OCA2: variants seen among roughly 807,000 people sequenced by gnomAD.
OCA2 encodes OCA2 melanosomal transmembrane protein, also known as P protein.
OCA2 carries 77 observed loss-of-function variants against 100.2 expected under a neutral mutation model. The observed-to-expected ratio is 0.77, with a 90% CI of 0.64 to 0.93. OCA2 has a LOEUF of 0.93. Among genes scored for constraint, OCA2 ranks in the 40% least tolerant of loss-of-function variants. The probability of loss-of-function intolerance (pLI) is 0.00; values close to 1 mark genes in which losing one functional copy is unlikely to be tolerated. For missense variants in OCA2, 1,062 were observed against 1,089.1 expected (o/e 0.98, Z 0.35); for synonymous variants, 432 against 439.2 (o/e 0.98, Z 0.21).
At chr15:27,737,212 T>C in the OCA2 span, among the ~76,000 whole-genome samples, 1 of 152,330 alleles carries the variant, frequency 6.6e-6, no homozygotes, top group Admixed American at 6.5e-5. Flanking sequence ...AAATAAAAGC[T>C]CATGAGTATG....
At chr15:28,007,736 C>T (rs1566789920) in intron 9 of OCA2, among the ~76,000 whole-genome samples, 2 of 151,786 alleles carry the variant, frequency 1.3e-5, no homozygotes, top group Non-Finnish European at 2.9e-5. Flanking sequence ...AAAAAAAAGA[C>T]CTACTGTACA....
At chr15:28,089,614 G>GA (rs1444149322) in intron 1 of OCA2, among the ~76,000 whole-genome samples, 8 of 152,120 alleles carry the variant, frequency 5.3e-5, no homozygotes, top group Non-Finnish European at 7.4e-5. Context: ...TAACATATCA[G>GA]AAAAAAATGC....
chr15:27,845,037 A>G lies in OCA2; in HGVS notation c.2354T>C (p.Ile785Thr), dbSNP rs148153776. The stretch of plus-strand genomic sequence containing the variant: ...ACACACGACGTTTGCCGACGCGCCA[A>G]TCAGTGTCCCGTTACCTAAAGTCAA... Reference protein sequence around the residue: ...GACLGGNGTLIGASANVVCAG... With the variant: ...GACLGGNGTLTGASANVVCAG... Residue 785 changes from isoleucine to threonine, a missense_variant, in exon 23 of 24, where the codon ATT becomes ACT. Ile to Thr is a moderately conservative substitution (Grantham distance 89). Transcript: ENST00000354638. 6.8e-6 allele frequency: 11 copies of G among 1,613,742 alleles called. 1 individual carries two copies. The African/African-American group carries it at 1.1e-4, about 16-fold the overall frequency.
At chr15:27,827,563 A>G (rs1270755649) in intron 23 of OCA2, among the ~76,000 whole-genome samples, 2 of 152,140 alleles carry the variant, frequency 1.3e-5, no homozygotes, top group African/African-American at 4.8e-5. Context: ...TAAGGAAAAA[A>G]AAAAACACAT....
intron 19 of OCA2, among the ~76,000 whole-genome samples, chr15:27,905,563 G>C (rs1296750021): frequency 6.6e-6 from 1 of 152,206 alleles, no homozygotes; most frequent in Non-Finnish European, 1.5e-5. Context: ...GGGCCCATCT[G>C]GGGGCATGCA....
At chr15:27,732,813 A>G in the OCA2 span, among the ~76,000 whole-genome samples, 1 of 152,232 alleles carries the variant, frequency 6.6e-6, no homozygotes, top group Non-Finnish European at 1.5e-5. Flanking sequence ...AAGCCCATTC[A>G]TGACTTTTGG....
chr15:27,924,531 G>A (rs1170122087), intron 19 of OCA2, among the ~76,000 whole-genome samples: 2 of 151,904 alleles, frequency 1.3e-5, no homozygotes, highest in Non-Finnish European at 2.9e-5. Flanking sequence ...CACAAACAAG[G>A]GAGGACAAAT....
intron 18 of OCA2, among the ~76,000 whole-genome samples, chr15:27,946,171 T>C (rs1393638620): frequency 6.6e-6 from 1 of 152,112 alleles, no homozygotes; most frequent in Non-Finnish European, 1.5e-5. Context: ...ATTATCTTTC[T>C]AAAACACATA....
chr15:28,081,725 G>A lies in OCA2; in HGVS notation c.150C>T (p.Ser50=). ...RGAGGADPSH[S]CPRGAAGQSS... Reference sequence around the variant, plus strand: ...TCTGCCCGGCAGCCCCCCTGGGGCAGGAGTGCGAGGGGTCAGCTCCACCGG... The same window carrying A: ...TCTGCCCGGCAGCCCCCCTGGGGCAAGAGTGCGAGGGGTCAGCTCCACCGG... The change falls in exon 2 of 24, where the codon TCC becomes TCT. Residue 50 remains serine (S), a synonymous_variant. Coordinates refer to ENST00000354638, the MANE Select transcript of OCA2 (RefSeq NM_000275.3). The A allele has an allele frequency of 1.2e-6, 2 of 1,613,704 alleles. No homozygotes were observed. Among genetic ancestry groups the A allele is most frequent in the Non-Finnish European group, 1.7e-6 (2 of 1,179,934 alleles).
chr15:27,896,972 C>G (rs182702698), intron 19 of OCA2, among the ~76,000 whole-genome samples: 1 of 152,042 alleles, frequency 6.6e-6, no homozygotes, highest in Non-Finnish European at 1.5e-5. Flanking sequence ...GGGCGGATTA[C>G]GAGGTCAGGA....
At chr15:28,070,702 C>T (rs1328285157) in intron 2 of OCA2, among the ~76,000 whole-genome samples, 2 of 148,796 alleles carry the variant, frequency 1.3e-5, no homozygotes, top group East Asian at 2.1e-4. Flanking sequence ...ATGACAATGG[C>T]GGCTTTGTGG....
intron 1 of OCA2, among the ~76,000 whole-genome samples, chr15:28,085,414 C>T (rs1279702401): frequency 6.6e-6 from 1 of 152,144 alleles, no homozygotes; most frequent in African/African-American, 2.4e-5. Flanking sequence ...GTGGGGCATC[C>T]TCCCTCCCCT....
chr15:27,719,649 T>C, the OCA2 span, among the ~76,000 whole-genome samples: 2 of 152,210 alleles, frequency 1.3e-5, no homozygotes, highest in Admixed American at 1.3e-4. Flanking sequence ...TTCTATTGCT[T>C]GGTATTTACT....
chr15:27,766,677 C>A (rs2031287479), intron 23 of OCA2, among the ~76,000 whole-genome samples: 1 of 152,144 alleles, frequency 6.6e-6, no homozygotes, highest in Admixed American at 6.5e-5. Context: ...AGGTCCTCAC[C>A]ACTCACTCCT....
intron 7 of OCA2, among the ~76,000 whole-genome samples, chr15:28,018,008 G>A (rs1207434035): frequency 6.6e-6 from 1 of 151,820 alleles, no homozygotes; most frequent in African/African-American, 2.4e-5. Flanking sequence ...CACTGTCTTA[G>A]CAGATGTCCA....
chr15:27,997,240 G>GGAAAGAAAGAAA lies in OCA2; in HGVS notation c.1045-6605_1045-6594dup, dbSNP rs35919216. ...AGGAAAGAAAGAAAGGAAGGAAGGAGGAAAGAAAGAAAGAAAGAAAGGGAA... is the reference window on the plus strand; with the variant it reads ...AGGAAAGAAAGAAAGGAAGGAAGGAGGAAAGAAAGAAAGAAAGAAAGAAAGAAAGAAAGGGAA... On this transcript the variant is annotated intron_variant, in intron 9 of 23. Transcript: ENST00000354638. 2.1e-3 allele frequency among the ~76,000 whole-genome samples: 309 copies of GGAAAGAAAGAAA among 145,540 alleles called. 3 individuals carry two copies. The highest frequency in any genetic ancestry group is 7.5e-3 in the African/African-American group (296 of 39,500).
intron 14 of OCA2, among the ~76,000 whole-genome samples, chr15:27,977,096 C>G (rs978416062): frequency 1.3e-5 from 2 of 152,160 alleles, no homozygotes; most frequent in African/African-American, 4.8e-5. Flanking sequence ...TCTGTATGCT[C>G]TGTTGTAATA....
At chr15:28,098,551 C>T (rs963925845) in intron 1 of OCA2, among the ~76,000 whole-genome samples, 1 of 152,060 alleles carries the variant, frequency 6.6e-6, no homozygotes, top group African/African-American at 2.4e-5. Context: ...CTAAGTAGTG[C>T]TCCTCAAAGT....
intron 19 of OCA2, 132 bp downstream of exon 19, chr15:27,925,995 C>T (rs41309268): frequency 1.9e-6 from 2 of 1,079,580 alleles, no homozygotes; most frequent in Non-Finnish European, 2.7e-6. Context: ...AGTCCAATTA[C>T]AACCTTCATT....
Sources: allele counts gnomAD v4.1 joint callset (sites outside exome capture counted in the v4.1 genomes callset), GRCh38; gene constraint gnomAD v4.1.1; transcripts MANE v1.5; gene names NCBI Gene and HGNC (gene_info 2026-07-23, HGNC 2026-07-21).